Variants in GAPVD1 observed in about 807,000 individuals in gnomAD.
The protein encoded by GAPVD1 is GTPase activating protein and VPS9 domains 1.
Under a neutral mutation model 155.5 loss-of-function variants are expected in GAPVD1, and 35 were observed. The ratio of observed to expected loss-of-function variants is 0.23; its 90% CI spans 0.17 to 0.30. GAPVD1 has a LOEUF of 0.30. Among genes scored for constraint, GAPVD1 ranks in the 10% least tolerant of loss-of-function variants. The pLI is 1.00. For synonymous variants in GAPVD1, 636 were observed against 619.7 expected (o/e 1.03, Z -0.39); for missense variants, 1,429 against 1,775.7 (o/e 0.80, Z 3.51).
intron 24 of GAPVD1, 116 bp downstream of exon 24, chr9:125,354,957 A>G (rs1005356494): frequency 8.2e-6 from 5 of 613,308 alleles, no homozygotes; most frequent in Admixed American, 2.9e-5. Flanking sequence ...TAAATACCCA[A>G]TTATTTTATG....
In GAPVD1 at chr9:125,302,144, C is replaced by T. The variant is rs1456182269; in HGVS notation, c.347C>T (p.Ala116Val). ...NPRLIASSLVAGEKLNQENTQ... is the reference protein window; with the variant it reads ...NPRLIASSLVVGEKLNQENTQ... ...CGTCTTATTGCCTCCTCTTTGGTTG[C>T]TGGAGAGAAACTTAATCAGGAGAAC... Residue 116 changes from alanine (A) to valine (V), a missense_variant, in exon 5 of 28, where the codon GCT becomes GTT. Physicochemically the swap from Ala to Val is moderately conservative, Grantham distance 64 (BLOSUM62 0). This residue lies in a region of GAPVD1 where 628 missense variants were observed against 733.4 expected (regional missense o/e 0.86). Coordinates refer to ENST00000297933, the MANE Select transcript of GAPVD1 (RefSeq NM_001282680.3). 1 of 1,613,826 alleles carries T rather than the reference C, an allele frequency of 6.2e-7. No homozygotes were observed. Among genetic ancestry groups the T allele is most frequent in the Non-Finnish European group, 8.5e-7 (1 of 1,179,962 alleles).
At chr9:125,357,986 A>AAAC (rs1554790826) in intron 25 of GAPVD1, among the ~76,000 whole-genome samples, 4 of 150,462 alleles carry the variant, frequency 2.7e-5, no homozygotes, top group African/African-American at 9.8e-5. Flanking sequence ...AAAAAAAAAA[A>AAAC]ACACACACAC....
intron 21 of GAPVD1, among the ~76,000 whole-genome samples, chr9:125,349,913 C>T (rs924673727): frequency 2.0e-5 from 3 of 151,812 alleles, no homozygotes; most frequent in Admixed American, 1.3e-4. Context: ...GCGTCATCAG[C>T]GTTTCTAAAG....
chr9:125,360,403 G>A, intron 26 of GAPVD1, 125 bp from the exon 27 acceptor site: 7 of 672,944 alleles, frequency 1.0e-5, no homozygotes, highest in Non-Finnish European at 1.3e-5. Context: ...CTGCAATATG[G>A]TTTTACCAAA....
intron 9 of GAPVD1, among the ~76,000 whole-genome samples, chr9:125,316,038 AC>A: frequency 6.6e-6 from 1 of 152,300 alleles, no homozygotes; most frequent in Middle Eastern, 3.4e-3. Context: ...TCACGTGCTC[AC>A]CACTAAGCTA....
At chr9:125,350,018 T>G (rs1344418502) in intron 21 of GAPVD1, among the ~76,000 whole-genome samples, 1 of 152,142 alleles carries the variant, frequency 6.6e-6, no homozygotes, top group Non-Finnish European at 1.5e-5. Flanking sequence ...CCGATTCTTA[T>G]AGCACCCGTC....
chr9:125,280,426 A>T (rs1323362578), intron 2 of GAPVD1, among the ~76,000 whole-genome samples: 1 of 151,266 alleles, frequency 6.6e-6, no homozygotes, highest in East Asian at 1.9e-4. Flanking sequence ...AAAAAGAATA[A>T]ATGAGACCAT....
intron 3 of GAPVD1, among the ~76,000 whole-genome samples, chr9:125,297,587 G>A (rs919812106): frequency 2.0e-5 from 3 of 152,180 alleles, no homozygotes; most frequent in African/African-American, 7.2e-5. Context: ...CAAGAAGGCA[G>A]ATGTTCTGGA....
intron 3 of GAPVD1, among the ~76,000 whole-genome samples, chr9:125,297,240 C>G (rs902671237): frequency 1.3e-5 from 2 of 152,170 alleles, no homozygotes; most frequent in Non-Finnish European, 2.9e-5. Flanking sequence ...CTCCTAGTCC[C>G]TGAAATTACA....
intron 2 of GAPVD1, among the ~76,000 whole-genome samples, chr9:125,287,260 G>A (rs567392423): frequency 1.3e-5 from 2 of 152,196 alleles, no homozygotes; most frequent in East Asian, 1.9e-4. Flanking sequence ...AAAATGGGCC[G>A]GGCGCAGTGG....
chr9:125,264,772 G>T (rs867788760), intron 1 of GAPVD1, among the ~76,000 whole-genome samples: 1 of 150,978 alleles, frequency 6.6e-6, no homozygotes, highest in African/African-American at 2.4e-5. Context: ...AGGCTGGAGT[G>T]CAGTGGCGCG....
chr9:125,263,918 G>A, intron 1 of GAPVD1: 1 of 1,446,642 alleles, frequency 6.9e-7, no homozygotes, highest in Admixed American at 1.7e-5. Flanking sequence ...ATGTCTCCAG[G>A]CAAACTGTTC....
chr9:125,279,159 C>G (rs1469744283), intron 2 of GAPVD1, among the ~76,000 whole-genome samples: 1 of 150,980 alleles, frequency 6.6e-6, no homozygotes, highest in Admixed American at 6.6e-5. Flanking sequence ...CTGCAGTGAG[C>G]CGAGATCACA....
rs763218752 is a variant in GAPVD1 at position 125,326,532 on chromosome 9, G to A, written c.1975G>A (p.Val659Ile). 3 of 1,612,684 alleles carry A rather than the reference G, an allele frequency of 1.9e-6. No individual in the cohort carries two copies. The highest frequency in any genetic ancestry group is 2.5e-6 in the Non-Finnish European group (3 of 1,178,636). The change falls in exon 12 of 28, where the codon GTC becomes ATC. Residue 659 changes from valine to isoleucine, a missense_variant. Physicochemically the swap from Val to Ile is conservative, Grantham distance 29. This residue lies in a region of GAPVD1 where 699 missense variants were observed against 826.0 expected (regional missense o/e 0.85). Coordinates refer to ENST00000297933, the MANE Select transcript of GAPVD1 (RefSeq NM_001282680.3). ...AGTGAGTGAGACCTGGAGTACAGACGTCTTGGGAAGTGACTTTGACCCTAA... is the reference window on the plus strand; with the variant it reads ...AGTGAGTGAGACCTGGAGTACAGACATCTTGGGAAGTGACTTTGACCCTAA... The part of the protein sequence containing the change: ...ETVSETWSTD[V>I]LGSDFDPNID...
At chr9:125,356,084 GA>G (rs961934094) in intron 25 of GAPVD1, among the ~76,000 whole-genome samples, 1 of 152,170 alleles carries the variant, frequency 6.6e-6, no homozygotes, top group African/African-American at 2.4e-5. Flanking sequence ...AGCCTCTTTG[GA>G]AAGCACTGCT....
chr9:125,343,669 A>G (rs1262039693), intron 19 of GAPVD1, among the ~76,000 whole-genome samples: 1 of 152,232 alleles, frequency 6.6e-6, no homozygotes, highest in African/African-American at 2.4e-5. Flanking sequence ...CAATCAGTAA[A>G]TACTTGTTGA....
Position 125,321,469 on chromosome 9 carries a change from G to C in GAPVD1, c.1639G>C (p.Asp547His), listed in dbSNP as rs971616198. 3 of 1,610,542 alleles carry C rather than the reference G, an allele frequency of 1.9e-6. No homozygotes were observed. The highest frequency in any genetic ancestry group is 2.7e-5 in the African/African-American group (2 of 74,856). ...NMQLSDGGQG[D>H]VPVDENKLHG... ...GCAGCTTTCGGATGGAGGACAAGGA[G>C]ATGTCCCTGTTGATGAAAACAAACT... The change falls in exon 10 of 28, where the codon GAT becomes CAT. Residue 547 changes from aspartate to histidine, a missense_variant. Coordinates refer to ENST00000297933, the MANE Select transcript of GAPVD1 (RefSeq NM_001282680.3).
intron 9 of GAPVD1, among the ~76,000 whole-genome samples, chr9:125,319,338 C>G (rs1264972767): frequency 6.6e-6 from 1 of 151,428 alleles, no homozygotes; most frequent in African/African-American, 2.4e-5. Context: ...TGCACCACTG[C>G]ACTCCAGCCT....
At chr9:125,344,349 A>G (rs1217980470) in intron 19 of GAPVD1, among the ~76,000 whole-genome samples, 1 of 152,082 alleles carries the variant, frequency 6.6e-6, no homozygotes, top group Non-Finnish European at 1.5e-5. Context: ...AACCTCCCCC[A>G]ATTTTTAGAC....
Sources: allele counts gnomAD v4.1 joint callset (sites outside exome capture counted in the v4.1 genomes callset), GRCh38; gene constraint gnomAD v4.1.1; regional missense constraint gnomAD v4.1.1; transcripts MANE v1.5; gene names NCBI Gene and HGNC (gene_info 2026-07-23, HGNC 2026-07-21).